SLC24A2: variants seen among roughly 807,000 people sequenced by gnomAD.
SLC24A2 encodes solute carrier family 24 member 2.
In SLC24A2, 36 loss-of-function variants were observed where a neutral mutation model predicts 62.0. The observed-to-expected ratio is 0.58, with a 90% CI of 0.44 to 0.77. SLC24A2 has a LOEUF of 0.77. Among genes scored for constraint, SLC24A2 ranks in the 30% least tolerant of loss-of-function variants. The probability of loss-of-function intolerance (pLI) is 0.00; values close to 1 mark genes in which losing one functional copy is unlikely to be tolerated. For synonymous variants in SLC24A2, 358 were observed against 294.0 expected, an observed-to-expected ratio of 1.22 and a Z score of -2.23; for missense variants, 846 against 817.9, an observed-to-expected ratio of 1.03 and a Z score of -0.42.
the SLC24A2 span, among the ~76,000 whole-genome samples, chr9:20,304,337 T>C: frequency 6.6e-6 from 1 of 152,072 alleles, no homozygotes. Context: ...AGAGGGAAAC[T>C]GACCATCTGG....
At position 19,574,412 on chromosome 9, in the gene SLC24A2, C is replaced by T. The variant is rs147341992; in HGVS notation, c.1229-943G>A. On this transcript the variant is annotated intron_variant, in intron 6 of 10. Coordinates refer to ENST00000341998, the MANE Select transcript of SLC24A2 (RefSeq NM_020344.4). ...TCTGTAACACTGGGAATCAGACAGGCCTGGCTTCATATTCTGGATCTACAA... is the reference window on the plus strand; with the variant it reads ...TCTGTAACACTGGGAATCAGACAGGTCTGGCTTCATATTCTGGATCTACAA... Among the ~76,000 whole-genome samples, 369 of 152,210 alleles carry T rather than the reference C, an allele frequency of 2.4e-3. 2 individuals carry two copies. Among genetic ancestry groups the T allele is most frequent in the African/African-American group, 8.6e-3 (357 of 41,528 alleles).
At chr9:20,056,427 C>G in the SLC24A2 span, among the ~76,000 whole-genome samples, 1 of 152,196 alleles carries the variant, frequency 6.6e-6, no homozygotes, top group Non-Finnish European at 1.5e-5. Context: ...AAAATACAAT[C>G]TACCACAAAA....
Position 19,550,248 on chromosome 9 carries a change from G to C in SLC24A2, c.1368C>G (p.Asp456Glu). The change falls in exon 8 of 11, where the codon GAC becomes GAG. Residue 456 changes from aspartate (D) to glutamate (E), a missense_variant. Coordinates refer to ENST00000341998, the MANE Select transcript of SLC24A2 (RefSeq NM_020344.4). ...AEAQTADEEEDQPLSLAWPSE... is the reference protein window; with the variant it reads ...AEAQTADEEEEQPLSLAWPSE... ...AAGGCCAGGCAAGGCTGAGAGGCTG[G>C]TCCTCCTCCTCATCAGCGGTCTGTG... 6.2e-7 allele frequency: 1 copy of C among 1,614,142 alleles called. No homozygotes were observed. Among genetic ancestry groups the C allele is most frequent in the Non-Finnish European group, 8.5e-7 (1 of 1,179,998 alleles).
intron 7 of SLC24A2, among the ~76,000 whole-genome samples, chr9:19,560,425 G>C (rs368116188): frequency 6.6e-6 from 1 of 151,974 alleles, no homozygotes; most frequent in East Asian, 1.9e-4. Flanking sequence ...TGATCCAATA[G>C]GATCATAAGA....
intron 2 of SLC24A2, among the ~76,000 whole-genome samples, chr9:19,779,458 G>A (rs564539009): frequency 1.3e-5 from 2 of 152,280 alleles, no homozygotes; most frequent in South Asian, 2.1e-4. Context: ...TATTATTATC[G>A]AAATTGGACG....
chr9:19,726,806 C>A (rs534231367), intron 2 of SLC24A2, among the ~76,000 whole-genome samples: 5 of 152,182 alleles, frequency 3.3e-5, no homozygotes, highest in Non-Finnish European at 7.3e-5. Context: ...TATCCCAAGG[C>A]ATATTCAACG....
the SLC24A2 span, among the ~76,000 whole-genome samples, chr9:20,267,227 T>C: frequency 6.6e-6 from 1 of 152,212 alleles, no homozygotes; most frequent in Admixed American, 6.5e-5. Context: ...GCTTCTTTAA[T>C]CACAAAGATA....
At chr9:19,990,228 T>A in the SLC24A2 span, among the ~76,000 whole-genome samples, 1 of 152,264 alleles carries the variant, frequency 6.6e-6, no homozygotes, top group African/African-American at 2.4e-5. Flanking sequence ...ATCAGTGTCT[T>A]AGGGCCTATA....
chr9:19,756,876 T>C (rs1215125340), intron 2 of SLC24A2, among the ~76,000 whole-genome samples: 1 of 150,982 alleles, frequency 6.6e-6, no homozygotes, highest in Non-Finnish European at 1.5e-5. Flanking sequence ...AAACTAGAGC[T>C]TGATATTCAC....
chr9:20,075,336 G>A, the SLC24A2 span, among the ~76,000 whole-genome samples: 2 of 152,176 alleles, frequency 1.3e-5, no homozygotes, highest in African/African-American at 4.8e-5. Context: ...ATGAGAAAAT[G>A]GAGGCTTAGA....
At chr9:20,043,076 G>C in the SLC24A2 span, among the ~76,000 whole-genome samples, 2 of 152,192 alleles carry the variant, frequency 1.3e-5, no homozygotes, top group East Asian at 3.9e-4. Flanking sequence ...GAAAGAAAGA[G>C]TCACACACCT....
chr9:19,677,661 CAAAT>C (rs1161590684), intron 2 of SLC24A2, among the ~76,000 whole-genome samples: 2 of 151,918 alleles, frequency 1.3e-5, no homozygotes, highest in Non-Finnish European at 2.9e-5. Context: ...AATTTAAAAT[CAAAT>C]AAACATTCTG....
At chr9:19,901,260 G>A in the SLC24A2 span, among the ~76,000 whole-genome samples, 6 of 152,328 alleles carry the variant, frequency 3.9e-5, no homozygotes, top group East Asian at 9.6e-4. Flanking sequence ...CACAAAGGGA[G>A]TTTAAGACTT....
At chr9:20,244,174 GA>G in the SLC24A2 span, among the ~76,000 whole-genome samples, 1 of 152,054 alleles carries the variant, frequency 6.6e-6, no homozygotes, top group African/African-American at 2.4e-5. Context: ...TAGTTTTGAA[GA>G]AAAATAAACT....
the SLC24A2 span, among the ~76,000 whole-genome samples, chr9:20,139,603 T>C: frequency 6.6e-6 from 1 of 152,210 alleles, no homozygotes; most frequent in Non-Finnish European, 1.5e-5. Flanking sequence ...CACAAATATC[T>C]ATGAAGCTAT....
intron 6 of SLC24A2, among the ~76,000 whole-genome samples, chr9:19,574,153 C>G (rs1231785360): frequency 6.6e-6 from 1 of 152,184 alleles, no homozygotes; most frequent in African/African-American, 2.4e-5. Context: ...TGAGTGGAAA[C>G]TCTTCCAGTG....
intron 4 of SLC24A2, among the ~76,000 whole-genome samples, chr9:19,612,029 A>C (rs1051336388): frequency 2.0e-5 from 3 of 152,178 alleles, no homozygotes; most frequent in African/African-American, 7.2e-5. Flanking sequence ...CAGGCAGGTA[A>C]GAAAACCACT....
the SLC24A2 span, among the ~76,000 whole-genome samples, chr9:20,263,857 A>ACCCAC: frequency 4.5e-5 from 1 of 22,220 alleles, no homozygotes; most frequent in African/African-American, 1.7e-4. Flanking sequence ...TGGATATCCC[A>ACCCAC]CCCGCCCCCC....
chr9:19,609,839 A>G (rs2132932222), intron 4 of SLC24A2, among the ~76,000 whole-genome samples: 1 of 152,158 alleles, frequency 6.6e-6, no homozygotes, highest in East Asian at 1.9e-4. Flanking sequence ...TCAGATCATC[A>G]GGCATTAGAT....
Sources: gnomAD v4.1 joint callset for allele counts (sites outside exome capture counted in the v4.1 genomes callset) on GRCh38, gnomAD v4.1.1 for gene constraint, MANE v1.5 for transcripts, NCBI Gene and HGNC (gene_info 2026-07-23, HGNC 2026-07-21) for gene names.